The following STK31 variants were observed in gnomAD, a reference collection of about 807,000 sequenced individuals.
The protein encoded by STK31 is serine/threonine kinase 31.
STK31 carries 89 observed loss-of-function variants against 129.7 expected under a neutral mutation model. The ratio of observed to expected loss-of-function variants is 0.69; its 90% CI spans 0.58 to 0.82. The LOEUF (loss-of-function observed/expected upper bound fraction) is 0.82. Among genes scored for constraint, STK31 ranks in the 40% least tolerant of loss-of-function variants. The pLI is 0.00. For missense variants in STK31, 1,187 were observed against 1,176.4 expected (o/e 1.01, Z -0.13); for synonymous variants, 448 against 395.3 (o/e 1.13, Z -1.58).
chr7:23,789,330 G>A (rs1791482322), intron 21 of STK31, among the ~76,000 whole-genome samples: 1 of 151,972 alleles, frequency 6.6e-6, no homozygotes, highest in Admixed American at 6.6e-5. Flanking sequence ...GGGTTACATT[G>A]TTTTACTTTT....
At chr7:23,736,812 T>C in intron 7 of STK31, 92 bp from the exon 8 acceptor site, 1 of 998,526 alleles carries the variant, frequency 1.0e-6, no homozygotes, top group Non-Finnish European at 1.4e-6. Flanking sequence ...TCAGATATAT[T>C]GTGGCATAAA....
At chr7:23,791,663 C>T (rs1049124693) in intron 22 of STK31, among the ~76,000 whole-genome samples, 2 of 152,172 alleles carry the variant, frequency 1.3e-5, no homozygotes, top group African/African-American at 2.4e-5. Flanking sequence ...TCATGTTGTA[C>T]TGCTATTTTA....
intron 11 of STK31, among the ~76,000 whole-genome samples, chr7:23,767,498 C>G (rs1424393986): frequency 6.6e-6 from 1 of 152,200 alleles, no homozygotes; most frequent in African/African-American, 2.4e-5. Flanking sequence ...CCTGGGTGGT[C>G]TGTCCTACTC....
intron 6 of STK31, among the ~76,000 whole-genome samples, chr7:23,733,898 A>G (rs1787574413): frequency 6.6e-6 from 1 of 152,202 alleles, no homozygotes; most frequent in African/African-American, 2.4e-5. Flanking sequence ...ACATTCTGAG[A>G]AAAAGTCCAA....
intron 4 of STK31, among the ~76,000 whole-genome samples, chr7:23,725,372 CAA>C (rs57280021): frequency 5.4e-4 from 31 of 57,756 alleles, no homozygotes; most frequent in African/African-American, 1.9e-3. Context: ...CCTGTTTCTA[CAA>C]AAAAAAAAAA....
At chr7:23,732,682 T>G (rs900124566) in intron 6 of STK31, among the ~76,000 whole-genome samples, 1 of 152,224 alleles carries the variant, frequency 6.6e-6, no homozygotes. Flanking sequence ...GTAATGGACC[T>G]TTAGAACATT....
intron 6 of STK31, among the ~76,000 whole-genome samples, chr7:23,734,838 G>T (rs1302842039): frequency 6.6e-6 from 1 of 152,120 alleles, no homozygotes; most frequent in Admixed American, 6.5e-5. Flanking sequence ...GGTGGTGTGT[G>T]CCAGTAGTCC....
At chr7:23,830,592 T>TGTGTGTGTGTG (rs1794483467) in intron 23 of STK31, among the ~76,000 whole-genome samples, 1 of 142,140 alleles carries the variant, frequency 7.0e-6, no homozygotes, top group African/African-American at 2.7e-5. Context: ...AATTTCCATG[T>TGTGTGTGTGTG]TGTGTGTGTG....
chr7:23,721,400 T>A (rs1360732139), intron 4 of STK31: 9 of 1,078,736 alleles, frequency 8.3e-6, no homozygotes, highest in Middle Eastern at 2.1e-4. Context: ...AGGTGGCTCC[T>A]CTGGCTTCAT....
intron 22 of STK31, among the ~76,000 whole-genome samples, chr7:23,794,258 A>C (rs753555841): frequency 6.6e-6 from 1 of 152,172 alleles, no homozygotes; most frequent in Non-Finnish European, 1.5e-5. Flanking sequence ...TGTGGAAGTA[A>C]GTCTCACAAG....
At chr7:23,761,443 C>T (rs1477059784) in intron 10 of STK31, among the ~76,000 whole-genome samples, 7 of 144,950 alleles carry the variant, frequency 4.8e-5, no homozygotes, top group Admixed American at 3.5e-4. Flanking sequence ...TTTTTTGAGA[C>T]GGAGTCTCGC....
intron 5 of STK31, among the ~76,000 whole-genome samples, chr7:23,728,710 A>G (rs1787227611): frequency 6.6e-6 from 1 of 152,146 alleles, no homozygotes; most frequent in Admixed American, 6.5e-5. Flanking sequence ...CTTTCTTTTC[A>G]GATTTTATTC....
chr7:23,824,858 T>C (rs1418905762), intron 23 of STK31, among the ~76,000 whole-genome samples: 1 of 151,866 alleles, frequency 6.6e-6, no homozygotes, highest in African/African-American at 2.4e-5. Flanking sequence ...GAGATAATCA[T>C]GTGGTTTTTG....
At chr7:23,763,413 A>T (rs954308351) in intron 11 of STK31, among the ~76,000 whole-genome samples, 1 of 152,220 alleles carries the variant, frequency 6.6e-6, no homozygotes, top group African/African-American at 2.4e-5. Flanking sequence ...TTGCCAGCTC[A>T]GGAATGACTT....
At chr7:23,776,447 A>G (rs1451300325) in intron 15 of STK31, among the ~76,000 whole-genome samples, 6 of 152,108 alleles carry the variant, frequency 3.9e-5, no homozygotes, top group Non-Finnish European at 7.4e-5. Flanking sequence ...TCACCTGTGT[A>G]TCTGTCTGGT....
chr7:23,775,318 T>C (rs1029998644), intron 15 of STK31, among the ~76,000 whole-genome samples: 5 of 152,190 alleles, frequency 3.3e-5, no homozygotes, highest in African/African-American at 1.2e-4. Flanking sequence ...TGGGCTCTTT[T>C]TTAGTTCCAT....
chr7:23,743,989 A>G (rs1384246041), intron 8 of STK31, among the ~76,000 whole-genome samples: 1 of 151,922 alleles, frequency 6.6e-6, no homozygotes, highest in Non-Finnish European at 1.5e-5. Context: ...GCACAATCAC[A>G]GCTCACTGCA....
chr7:23,735,720 G>A lies in STK31; in HGVS notation c.666G>A (p.Glu222=). 1 of 1,613,992 alleles carries A rather than the reference G, an allele frequency of 6.2e-7. No homozygotes were observed. Among genetic ancestry groups the A allele is most frequent in the Non-Finnish European group, 8.5e-7 (1 of 1,180,010 alleles). The change falls in exon 7 of 24, where the codon GAG becomes GAA. Residue 222 remains glutamate (E), a synonymous_variant. Coordinates refer to ENST00000355870, the MANE Select transcript of STK31 (RefSeq NM_031414.5). ...TTGCTTCCAGAACTGACATCTGTGA[G>A]GAAAAAAAATTGGATCCTGGTCAAC... ...CRLASRTDIC[E]EKKLDPGQLV...
At chr7:23,753,392 G>T (rs972571746) in intron 9 of STK31, among the ~76,000 whole-genome samples, 1 of 152,034 alleles carries the variant, frequency 6.6e-6, no homozygotes, top group African/African-American at 2.4e-5. Flanking sequence ...GCCCTGCAAT[G>T]CAAGGGTGTC....
Sources: gnomAD v4.1 joint callset for allele counts (sites outside exome capture counted in the v4.1 genomes callset) on GRCh38, gnomAD v4.1.1 for gene constraint, MANE v1.5 for transcripts, NCBI Gene and HGNC (gene_info 2026-07-23, HGNC 2026-07-21) for gene names.